ADAMTSL3: variants seen among roughly 807,000 people sequenced by gnomAD.
The protein encoded by ADAMTSL3 is ADAMTS like 3.
Under a neutral mutation model 201.7 loss-of-function variants are expected in ADAMTSL3, and 128 were observed. The observed-to-expected ratio is 0.63, with a 90% confidence interval of 0.55 to 0.73. ADAMTSL3 has a LOEUF of 0.73. Ranked by LOEUF, ADAMTSL3 falls within the 30% of genes least tolerant of loss-of-function variation. The probability of loss-of-function intolerance (pLI) is 0.00; values close to 1 mark genes in which losing one functional copy is unlikely to be tolerated. For synonymous variants in ADAMTSL3, 738 were observed against 748.4 expected (o/e 0.99, Z 0.23); for missense variants, 1,990 against 2,119.6 (o/e 0.94, Z 1.20).
chr15:83,899,809 A>G, intron 15 of ADAMTSL3, 78 bp downstream of exon 15: 4 of 1,519,516 alleles, frequency 2.6e-6, no homozygotes, highest in Non-Finnish European at 3.5e-6. Context: ...TACTCATTGG[A>G]GTACAGTGAT....
intron 9 of ADAMTSL3, among the ~76,000 whole-genome samples, chr15:83,883,988 G>A (rs1346773307): frequency 6.6e-6 from 1 of 151,814 alleles, no homozygotes; most frequent in Non-Finnish European, 1.5e-5. Flanking sequence ...CGCCTCCCGG[G>A]TTCGAGCTAT....
In ADAMTSL3 at chr15:83,910,091, G is replaced by GT. The variant is rs200374707; in HGVS notation, c.1701-2995dup. 5.3e-3 allele frequency among the ~76,000 whole-genome samples: 814 copies of GT among 152,164 alleles called. 11 individuals are homozygous for GT. The highest frequency in any genetic ancestry group is 0.016 in the African/African-American group (681 of 41,510). ...TTTGATCTTCAGCCATGTTTCTTCTGTTTTTTCCTAGTTATGAATTGTTAG... is the reference window on the plus strand; with the variant it reads ...TTTGATCTTCAGCCATGTTTCTTCTGTTTTTTTCCTAGTTATGAATTGTTAG... On this transcript the variant is annotated intron_variant, in intron 15 of 29. Coordinates refer to ENST00000286744, the MANE Select transcript of ADAMTSL3 (RefSeq NM_207517.3).
chr15:83,848,938 A>G (rs1200659860), intron 7 of ADAMTSL3, among the ~76,000 whole-genome samples: 1 of 152,182 alleles, frequency 6.6e-6, no homozygotes, highest in Admixed American at 6.5e-5. Flanking sequence ...TGGAACAGGT[A>G]TTCCTATTCC....
chr15:83,842,020 A>C (rs1426122497), intron 7 of ADAMTSL3, among the ~76,000 whole-genome samples: 2 of 150,650 alleles, frequency 1.3e-5, no homozygotes, highest in Non-Finnish European at 3.0e-5. Flanking sequence ...GGGGAAGACC[A>C]CCTTCCCACT....
chr15:83,841,819 C>A (rs893842021), intron 7 of ADAMTSL3, among the ~76,000 whole-genome samples: 1 of 151,960 alleles, frequency 6.6e-6, no homozygotes, highest in East Asian at 2.0e-4. Flanking sequence ...CCATGCCCCC[C>A]ATTCTGTGTC....
At chr15:83,776,905 A>T (rs907378704) in intron 4 of ADAMTSL3, among the ~76,000 whole-genome samples, 3 of 151,732 alleles carry the variant, frequency 2.0e-5, no homozygotes, top group African/African-American at 7.3e-5. Flanking sequence ...AAATGAAAAC[A>T]GCCTTTTATG....
intron 17 of ADAMTSL3, among the ~76,000 whole-genome samples, chr15:83,929,715 GAGAC>G (rs1439186572): frequency 1.0e-4 from 15 of 150,260 alleles, no homozygotes; most frequent in Non-Finnish European, 5.9e-5. Flanking sequence ...GAGACAGAGA[GAGAC>G]AGAGAGACAG....
chr15:83,768,393 T>C (rs1295932464), intron 3 of ADAMTSL3, among the ~76,000 whole-genome samples: 1 of 151,940 alleles, frequency 6.6e-6, no homozygotes, highest in Non-Finnish European at 1.5e-5. Flanking sequence ...AACGAAGGAA[T>C]GGAGGGAGGG....
At chr15:83,775,178 C>T (rs867830344) in intron 4 of ADAMTSL3, among the ~76,000 whole-genome samples, 6 of 152,086 alleles carry the variant, frequency 3.9e-5, no homozygotes, top group Non-Finnish European at 7.4e-5. Flanking sequence ...TGAGTTCTTT[C>T]CCACTGCTGG....
intron 6 of ADAMTSL3, among the ~76,000 whole-genome samples, chr15:83,825,315 T>G (rs1301371252): frequency 2.6e-5 from 4 of 152,204 alleles, no homozygotes; most frequent in Non-Finnish European, 5.9e-5. Context: ...TGAATTGTTA[T>G]TAAAAGCAAT....
At chr15:83,909,277 G>A (rs969720438) in intron 15 of ADAMTSL3, among the ~76,000 whole-genome samples, 2 of 152,054 alleles carry the variant, frequency 1.3e-5, no homozygotes, top group Non-Finnish European at 2.9e-5. Flanking sequence ...CACATTCTGG[G>A]GATTAGGGCA....
At chr15:83,860,595 C>A (rs879653844) in intron 8 of ADAMTSL3, among the ~76,000 whole-genome samples, 2 of 152,102 alleles carry the variant, frequency 1.3e-5, no homozygotes, top group Non-Finnish European at 2.9e-5. Flanking sequence ...TATTAAAGGC[C>A]ATTCCCCAAA....
intron 3 of ADAMTSL3, among the ~76,000 whole-genome samples, chr15:83,733,478 G>C (rs2062315762): frequency 6.6e-6 from 1 of 152,098 alleles, no homozygotes; most frequent in African/African-American, 2.4e-5. Context: ...TTCTGGGGCT[G>C]GTGCTAGGTT....
intron 28 of ADAMTSL3, among the ~76,000 whole-genome samples, chr15:84,033,751 A>G (rs1264144739): frequency 1.3e-5 from 2 of 152,198 alleles, no homozygotes; most frequent in East Asian, 1.9e-4. Flanking sequence ...CTCACTCTTC[A>G]TGTTCCAGCC....
At chr15:83,748,403 T>C (rs995363694) in intron 3 of ADAMTSL3, among the ~76,000 whole-genome samples, 14 of 152,102 alleles carry the variant, frequency 9.2e-5, no homozygotes, top group Non-Finnish European at 1.6e-4. Context: ...ATCCCTATAC[T>C]CTGGGAGGCC....
chr15:83,819,733 T>C, intron 5 of ADAMTSL3, 78 bp from the exon 6 acceptor site: 2 of 1,162,362 alleles, frequency 1.7e-6, no homozygotes, highest in Non-Finnish European at 2.6e-6. Context: ...TCTCATGAGA[T>C]TCTGGTGAAC....
At chr15:84,017,144 A>G (rs1340589517) in intron 25 of ADAMTSL3, among the ~76,000 whole-genome samples, 2 of 152,094 alleles carry the variant, frequency 1.3e-5, no homozygotes, top group Non-Finnish European at 2.9e-5. Context: ...TTGAGACAGA[A>G]TCTCGCTCTG....
chr15:83,787,415 C>T (rs1183877843), intron 4 of ADAMTSL3, among the ~76,000 whole-genome samples: 2 of 152,076 alleles, frequency 1.3e-5, no homozygotes, highest in Non-Finnish European at 2.9e-5. Flanking sequence ...AAAAAAACTC[C>T]ATGACTATAG....
chr15:84,022,353 T>G (rs892022755), intron 26 of ADAMTSL3, among the ~76,000 whole-genome samples: 1 of 152,236 alleles, frequency 6.6e-6, no homozygotes, highest in Admixed American at 6.5e-5. Context: ...TCTCTTAGTT[T>G]CATTAGGTTT....
Sources: allele counts gnomAD v4.1 joint callset (sites outside exome capture counted in the v4.1 genomes callset), GRCh38; gene constraint gnomAD v4.1.1; transcripts MANE v1.5; gene names NCBI Gene and HGNC (gene_info 2026-07-23, HGNC 2026-07-21).